Variants in ANO2 observed in about 807,000 individuals in gnomAD.
The protein encoded by ANO2 is anoctamin-2.
Under a neutral mutation model 124.2 loss-of-function variants are expected in ANO2, and 101 were observed. The ratio of observed to expected loss-of-function variants is 0.81; its 90% CI spans 0.69 to 0.96. The LOEUF (loss-of-function observed/expected upper bound fraction) is 0.96. Among genes scored for constraint, ANO2 ranks in the 40% least tolerant of loss-of-function variants. The pLI is 0.00. For missense variants in ANO2, 1,293 were observed against 1,274.5 expected (o/e 1.01, Z -0.22); for synonymous variants, 486 against 482.5 (o/e 1.01, Z -0.09).
At chr12:5,843,679 G>T (rs564686349) in intron 4 of ANO2, among the ~76,000 whole-genome samples, 1 of 152,324 alleles carries the variant, frequency 6.6e-6, no homozygotes, top group South Asian at 2.1e-4. Context: ...GTCAGGGTGA[G>T]GAGGGAACGC....
intron 3 of ANO2, chr12:5,870,551 A>C (rs1278415485): frequency 1.3e-5 from 2 of 152,238 alleles, no homozygotes; most frequent in Admixed American, 6.5e-5. Flanking sequence ...AGCCTTAATC[A>C]TTCTACTGCA....
At position 5,568,136 on chromosome 12, in the gene ANO2, C is replaced by CTT. The variant is rs71445654; in HGVS notation, c.2622-2475_2622-2474dup. 2.7e-3 allele frequency among the ~76,000 whole-genome samples: 301 copies of CTT among 112,752 alleles called. 2 individuals carry two copies. Among genetic ancestry groups the CTT allele is most frequent in the African/African-American group, 3.5e-3 (104 of 29,488 alleles). 74.0% of individuals were successfully genotyped at this position (112,752 alleles called of 152,430 possible). On this transcript the variant is annotated intron_variant, in intron 23 of 24. Coordinates refer to ENST00000682330, the MANE Select transcript of ANO2 (RefSeq NM_001364791.2). The stretch of plus-strand genomic sequence containing the variant: ...CTATCTGATCCTAACCCACCCTATG[C>CTT]TTTTTTTTTTTTTTTTTTTTTGAGA...
At chr12:5,646,457 C>A (rs550991479) in intron 15 of ANO2, among the ~76,000 whole-genome samples, 1 of 152,126 alleles carries the variant, frequency 6.6e-6, no homozygotes, top group African/African-American at 2.4e-5. Context: ...TATTTATTTA[C>A]TCATTTATTG....
At chr12:5,834,119 G>A (rs1186288242) in intron 4 of ANO2, among the ~76,000 whole-genome samples, 1 of 152,088 alleles carries the variant, frequency 6.6e-6, no homozygotes, top group Non-Finnish European at 1.5e-5. Flanking sequence ...AGTGACCCCA[G>A]TCAACACCAC....
intron 20 of ANO2, among the ~76,000 whole-genome samples, chr12:5,599,266 T>C (rs1300772768): frequency 6.6e-6 from 1 of 152,242 alleles, no homozygotes; most frequent in Non-Finnish European, 1.5e-5. Context: ...CACCAAACTG[T>C]TGACTGAGCT....
chr12:5,665,200 T>C (rs1014483030), intron 14 of ANO2, among the ~76,000 whole-genome samples: 14 of 152,168 alleles, frequency 9.2e-5, no homozygotes, highest in Non-Finnish European at 1.9e-4. Flanking sequence ...AAGTGATGGA[T>C]TTGGTCTCCA....
chr12:5,716,513 T>C (rs4930796), intron 14 of ANO2, among the ~76,000 whole-genome samples: 148,033 of 152,318 alleles, frequency 0.97, 72,074 homozygotes, highest in Middle Eastern at 1. Context: ...TGTTTATAGA[T>C]AAGCATGCTG....
chr12:5,577,323 G>T (rs1942467983), intron 22 of ANO2, among the ~76,000 whole-genome samples: 1 of 152,238 alleles, frequency 6.6e-6, no homozygotes, highest in African/African-American at 2.4e-5. Flanking sequence ...TGAGCTGGCT[G>T]ATATGTTCCT....
chr12:5,896,995 T>C (rs943784810), intron 3 of ANO2, among the ~76,000 whole-genome samples: 1 of 152,194 alleles, frequency 6.6e-6, no homozygotes, highest in African/African-American at 2.4e-5. Context: ...GAACATAAAA[T>C]AAATCATCTT....
rs1313550958 is a variant in ANO2, at chr12:5,806,228, T to C, written c.949-135A>G. The C allele has an allele frequency of 1.5e-5, 13 of 892,242 alleles. No homozygotes were observed. The Admixed American group carries it at 3.3e-4, about 23-fold the overall frequency. 55.3% of individuals were successfully genotyped at this position (892,242 alleles called of 1,614,324 possible). A position where few individuals can be genotyped will look rare whatever the true frequency, so the allele number is the denominator to read the frequency against. ...TCCCATTTAAGGAAGGTCAAAAGCA[T>C]GGCATGGTAAGGGGCTGATATTCCA... On this transcript the variant is annotated intron_variant, in intron 8 of 24. Transcript: ENST00000682330.
rs779881401 is a variant in ANO2 at position 5,925,556 on chromosome 12, C to T, written c.23-2752G>A. On this transcript the variant is annotated intron_variant, in intron 1 of 24. Transcript: ENST00000682330. The surrounding 1 kb of genome is among the most constrained non-coding windows in gnomAD (Gnocchi z 4.6). ...GGAAGGCCAAGGGGAACGCGAGTGA[C>T]GCCTGCCCTCAGGAAGGGGAAGGGT... Among the ~76,000 whole-genome samples, 1 of 152,190 alleles carries T rather than the reference C, an allele frequency of 6.6e-6. No individual in the cohort carries two copies. The highest frequency in any genetic ancestry group is 1.5e-5 in the Non-Finnish European group (1 of 68,032).
intron 4 of ANO2, among the ~76,000 whole-genome samples, chr12:5,845,364 G>A (rs562145047): frequency 2.6e-5 from 4 of 151,928 alleles, no homozygotes; most frequent in South Asian, 2.1e-4. Flanking sequence ...TCAGGAGACC[G>A]AGACCATCCT....
At position 5,891,932 on chromosome 12, in the gene ANO2, T is replaced by C. The variant is rs906707210; in HGVS notation, c.534+29108A>G. On this transcript the variant is annotated intron_variant, in intron 3 of 24. Transcript: ENST00000682330. ...ACATACAAAGAACAAGGAAATCTTT[T>C]GTGAGAAATGACAATAGACAAATGC... 2.0e-5 allele frequency among the ~76,000 whole-genome samples: 3 copies of C among 152,190 alleles called. No individual in the cohort carries two copies. In the East Asian group the frequency reaches 5.8e-4, roughly 29 times the overall value.
rs3741904 is a variant in ANO2, at chr12:5,921,271, A to G, written c.303T>C (p.Tyr101=). ...HFHDSQRKVD[Y]VLAYHYRKRG... is the part of the protein sequence containing the mutation. ...GTTTCCGGTAGTGGTAGGCAAGTAC[A>G]TAGTCGACCTTCCTCTGACTGTCAT... The change falls in exon 3 of 25, where the codon TAT becomes TAC. Residue 101 remains tyrosine, a synonymous_variant. Transcript: ENST00000682330. 113,001 of 1,613,934 alleles carry G rather than the reference A, an allele frequency of 0.07. 5,027 individuals are homozygous for G. The highest frequency in any genetic ancestry group is 0.17 in the East Asian group (7,594 of 44,870).
intron 14 of ANO2, among the ~76,000 whole-genome samples, chr12:5,693,041 C>T (rs1473741013): frequency 2.6e-5 from 4 of 152,090 alleles, no homozygotes; most frequent in Non-Finnish European, 5.9e-5. Flanking sequence ...GTTACTTCGG[C>T]GCATCCATCA....
intron 10 of ANO2, among the ~76,000 whole-genome samples, chr12:5,797,069 C>G (rs1350101472): frequency 2.0e-5 from 3 of 152,226 alleles, no homozygotes; most frequent in African/African-American, 4.8e-5. Context: ...GCCAGATTCC[C>G]CTGCTCCGTC....
At chr12:5,596,966 G>A (rs1467571072) in intron 20 of ANO2, among the ~76,000 whole-genome samples, 2 of 152,034 alleles carry the variant, frequency 1.3e-5, no homozygotes, top group Non-Finnish European at 2.9e-5. Context: ...AAGACACATA[G>A]GAGTCTTGAT....
At chr12:5,859,682 A>G (rs4764609) in intron 3 of ANO2, among the ~76,000 whole-genome samples, 108,036 of 151,932 alleles carry the variant, frequency 0.71, 39,459 homozygotes, top group East Asian at 0.98. Context: ...ACAGGTGTGC[A>G]CCACCATACC....
At chr12:5,678,086 T>C (rs1211191138) in intron 14 of ANO2, among the ~76,000 whole-genome samples, 1 of 152,168 alleles carries the variant, frequency 6.6e-6, no homozygotes, top group African/African-American at 2.4e-5. Flanking sequence ...TCAGGTCTGA[T>C]GTGGACCAAG....
Sources: allele counts gnomAD v4.1 joint callset (sites outside exome capture counted in the v4.1 genomes callset), GRCh38; gene constraint gnomAD v4.1.1; non-coding constraint Gnocchi (gnomAD v3.1); transcripts MANE v1.5; gene names NCBI Gene and HGNC (gene_info 2026-07-23, HGNC 2026-07-21).